EYS: variants seen among roughly 807,000 people sequenced by gnomAD.
EYS encodes protein eyes shut homolog.
Under a neutral mutation model 282.1 loss-of-function variants are expected in EYS, and 250 were observed. The observed-to-expected ratio is 0.89, with a 90% confidence interval of 0.80 to 0.98. The LOEUF is 0.98. Among genes scored for constraint, EYS ranks in the 50% least tolerant of loss-of-function variants. The pLI, the probability that EYS is intolerant of heterozygous loss-of-function variation, is 0.00. For missense variants in EYS, 4,016 were observed against 3,709.0 expected, an observed-to-expected ratio of 1.08 and a Z score of -2.15; for synonymous variants, 1,355 against 1,282.9, an observed-to-expected ratio of 1.06 and a Z score of -1.20.
chr6:63,720,814 G>A lies in EYS; in HGVS notation c.9217C>T (p.His3073Tyr). The change falls in exon 43 of 43, where the codon CAT becomes TAT. Residue 3073 changes from histidine to tyrosine, a missense_variant. Coordinates refer to ENST00000503581, the MANE Select transcript of EYS (RefSeq NM_001142800.2). ...SLILSEDIDP[H>Y]KNFVALNYDG... ...TAGTTTAGAGCCACAAAGTTTTTAT[G>A]TGGATCAATATCCTCGGAAAGAATT... The A allele has an allele frequency of 6.4e-7, 1 of 1,551,104 alleles. No homozygotes were observed. Among genetic ancestry groups the A allele is most frequent in the South Asian group, 1.2e-5 (1 of 84,044 alleles).
intron 28 of EYS, among the ~76,000 whole-genome samples, chr6:64,396,633 A>G (rs570391499): frequency 5.7e-4 from 86 of 152,032 alleles, no homozygotes; most frequent in African/African-American, 1.9e-3. Flanking sequence ...TTTTTTCTCT[A>G]TGGAAATCCA....
At chr6:65,074,239 G>A (rs1302727605) in intron 12 of EYS, among the ~76,000 whole-genome samples, 1 of 151,874 alleles carries the variant, frequency 6.6e-6, no homozygotes, top group East Asian at 1.9e-4. Context: ...TACTGGTCCT[G>A]AACTCTGTAA....
chr6:64,598,842 A>C (rs1766670377), intron 24 of EYS, among the ~76,000 whole-genome samples: 1 of 152,208 alleles, frequency 6.6e-6, no homozygotes, highest in East Asian at 1.9e-4. Flanking sequence ...AATATCCCAA[A>C]ATACATAATA....
chr6:63,774,381 C>T (rs374247317), intron 40 of EYS, among the ~76,000 whole-genome samples: 2 of 152,068 alleles, frequency 1.3e-5, no homozygotes, highest in East Asian at 3.9e-4. Flanking sequence ...GTTGACCAGG[C>T]TGGTCTTGAA....
rs765107773 is a variant in EYS at position 64,945,876 on chromosome 6, A to C, written c.2298T>G (p.Asn766Lys). 6.5e-7 allele frequency: 1 copy of C among 1,549,002 alleles called. No homozygotes were observed. Among genetic ancestry groups the C allele is most frequent in the Non-Finnish European group, 8.7e-7 (1 of 1,145,092 alleles). ...QCVCLSDWEG[N>K]FCEQESNECK... Reference sequence around the variant, plus strand: ...ACTCATTGGATTCTTGTTCACAAAAATTTCCTTCCCAATCAGATAGGCACA... The same window carrying C: ...ACTCATTGGATTCTTGTTCACAAAACTTTCCTTCCCAATCAGATAGGCACA... The change falls in exon 15 of 43, where the codon AAT (asparagine) becomes AAG (lysine). Residue 766 changes from asparagine to lysine, a missense_variant. Coordinates refer to ENST00000503581, the MANE Select transcript of EYS (RefSeq NM_001142800.2).
chr6:64,905,571 G>A (rs1014279674), intron 16 of EYS, among the ~76,000 whole-genome samples: 11 of 152,022 alleles, frequency 7.2e-5, no homozygotes, highest in African/African-American at 2.7e-4. Flanking sequence ...TTATACTTCT[G>A]CACTCGTTCC....
At chr6:64,252,906 ACTC>A (rs772406006) in intron 30 of EYS, among the ~76,000 whole-genome samples, 85 of 151,960 alleles carry the variant, frequency 5.6e-4, no homozygotes, top group Non-Finnish European at 1.1e-3. Flanking sequence ...CTATTTCTTC[ACTC>A]CTCATTGTAT....
chr6:64,119,756 G>A (rs547700052), intron 31 of EYS, among the ~76,000 whole-genome samples: 1 of 152,292 alleles, frequency 6.6e-6, no homozygotes, highest in South Asian at 2.1e-4. Context: ...TGCTTATAAA[G>A]GGCTTTTCAC....
intron 19 of EYS, among the ~76,000 whole-genome samples, chr6:64,843,039 A>G (rs1765612508): frequency 6.6e-6 from 1 of 152,112 alleles, no homozygotes; most frequent in Non-Finnish European, 1.5e-5. Context: ...CAGACCCAGA[A>G]TGCTAGAAGG....
At chr6:65,699,634 A>C (rs968261931) in intron 1 of EYS, among the ~76,000 whole-genome samples, 1 of 152,190 alleles carries the variant, frequency 6.6e-6, no homozygotes, top group Non-Finnish European at 1.5e-5. Context: ...CTGATGGGGT[A>C]CTTATCAGCA....
chr6:65,549,484 G>A (rs1424892420), intron 2 of EYS, among the ~76,000 whole-genome samples: 1 of 152,074 alleles, frequency 6.6e-6, no homozygotes, highest in Non-Finnish European at 1.5e-5. Context: ...GCTCATTACT[G>A]CTGTGTGTAG....
In EYS at chr6:65,144,549, C is replaced by A. The variant is rs545076165; in HGVS notation, c.2024-86822G>T. On this transcript the variant is annotated intron_variant, in intron 12 of 42. Transcript: ENST00000503581. The stretch of plus-strand genomic sequence containing the variant: ...TTGATCCAAATAATTTCACAGCATT[C>A]GCAGGAAATATTTGTGCTTAAAAAC... 6.6e-5 allele frequency among the ~76,000 whole-genome samples: 10 copies of A among 152,132 alleles called. 1 individual carries two copies. The South Asian group carries it at 2.1e-3, about 32-fold the overall frequency.
intron 41 of EYS, among the ~76,000 whole-genome samples, chr6:63,758,075 T>C (rs1032289133): frequency 4.0e-5 from 6 of 151,772 alleles, no homozygotes; most frequent in African/African-American, 1.5e-4. Flanking sequence ...AATTATTCTA[T>C]TTTTTTTGTA....
chr6:64,161,421 T>A (rs574188751), intron 31 of EYS, among the ~76,000 whole-genome samples: 1 of 152,322 alleles, frequency 6.6e-6, no homozygotes, highest in South Asian at 2.1e-4. Context: ...AATAAACAAA[T>A]TAAGATCTCC....
At chr6:64,933,480 A>T (rs539165749) in intron 15 of EYS, among the ~76,000 whole-genome samples, 1 of 152,272 alleles carries the variant, frequency 6.6e-6, no homozygotes, top group East Asian at 1.9e-4. Context: ...AAATCAGTAA[A>T]CAACAGATGC....
intron 26 of EYS, among the ~76,000 whole-genome samples, chr6:64,474,657 C>T (rs959694792): frequency 1.3e-5 from 2 of 152,086 alleles, no homozygotes. Context: ...TTTTCATGTA[C>T]AGTAGACTGT....
At chr6:65,451,118 G>C (rs1353586250) in intron 5 of EYS, among the ~76,000 whole-genome samples, 2 of 151,648 alleles carry the variant, frequency 1.3e-5, no homozygotes, top group Non-Finnish European at 2.9e-5. Flanking sequence ...CTATTTTCTA[G>C]ATTAATAGAA....
intron 22 of EYS, among the ~76,000 whole-genome samples, chr6:64,710,980 A>G (rs1771193385): frequency 6.6e-6 from 1 of 152,170 alleles, no homozygotes; most frequent in African/African-American, 2.4e-5. Context: ...GATTCTGTGG[A>G]CAGAAAAAGA....
intron 19 of EYS, among the ~76,000 whole-genome samples, chr6:64,885,846 G>C (rs775649215): frequency 5.9e-5 from 9 of 151,322 alleles, no homozygotes; most frequent in Non-Finnish European, 8.9e-5. Context: ...TTCCATTTTT[G>C]CTTGCCAATA....
Sources: gnomAD v4.1 joint callset for allele counts (sites outside exome capture counted in the v4.1 genomes callset) on GRCh38, gnomAD v4.1.1 for gene constraint, MANE v1.5 for transcripts, NCBI Gene and HGNC (gene_info 2026-07-23, HGNC 2026-07-21) for gene names.